POGLUT2: variants seen among roughly 807,000 people sequenced by gnomAD.
POGLUT2 encodes ER protein 58.
In POGLUT2, 47 loss-of-function variants were observed where a neutral mutation model predicts 57.6. The observed-to-expected ratio is 0.82, with a 90% CI of 0.65 to 1.04. POGLUT2 has a LOEUF of 1.04. POGLUT2 is among the 50% of genes least tolerant of loss of function. The pLI, the probability that POGLUT2 is intolerant of heterozygous loss-of-function variation, is 0.00. For synonymous variants in POGLUT2, 200 were observed against 218.8 expected (o/e 0.91, Z 0.76); for missense variants, 565 against 614.8 (o/e 0.92, Z 0.86).
At chr13:102,794,141 G>A (rs536633859) in intron 2 of POGLUT2, among the ~76,000 whole-genome samples, 111 of 152,192 alleles carry the variant, frequency 7.3e-4, no homozygotes, top group African/African-American at 2.3e-3. Flanking sequence ...GGAGGCTGAC[G>A]TGGGAGGATC....
At chr13:102,790,365 G>C (rs1878119771) in intron 6 of POGLUT2, among the ~76,000 whole-genome samples, 1 of 152,124 alleles carries the variant, frequency 6.6e-6, no homozygotes, top group Admixed American at 6.5e-5. Context: ...GAGCAGGGTG[G>C]TGCCCACTGC....
Position 102,789,114 on chromosome 13 carries a change from A to G in POGLUT2, c.1191T>C (p.His397=), listed in dbSNP as rs1878069428. ...VLKQDSIYYE[H]FYNELQPWKH... is the part of the protein sequence containing the mutation. ...TCCAGGGCTGCAGCTCATTGTAAAA[A>G]TGTTCATAGTAGATGGAATCCTGCT... Residue 397 remains histidine (H), a synonymous_variant, in exon 7 of 10, where the codon CAT becomes CAC. Transcript: ENST00000376004. 1 of 1,614,182 alleles carries G rather than the reference A, an allele frequency of 6.2e-7. No individual in the cohort carries two copies. The highest frequency in any genetic ancestry group is 8.5e-7 in the Non-Finnish European group (1 of 1,180,014).
Position 102,798,557 on chromosome 13 carries a change from C to A in POGLUT2, c.114G>T (p.Gly38=). ...CGGGAAGGACGACGTCTGCTTTTAG[C>A]CCGGGTCCCCATATTTCGCTCTTCT... The part of the protein sequence containing the change: ...SPEKSEIWGP[G]LKADVVLPAR... The change falls in exon 1 of 10, where the codon GGG becomes GGT. Residue 38 remains glycine (G), a synonymous_variant. Transcript: ENST00000376004. 1 of 1,613,230 alleles carries A rather than the reference C, an allele frequency of 6.2e-7. No homozygotes were observed. The highest frequency in any genetic ancestry group is 1.3e-5 in the African/African-American group (1 of 74,966).
At chr13:102,786,789 T>C (rs541271938) in intron 8 of POGLUT2, among the ~76,000 whole-genome samples, 8 of 152,226 alleles carry the variant, frequency 5.3e-5, no homozygotes, top group African/African-American at 1.9e-4. Flanking sequence ...CACTGCCCCA[T>C]GGATCCTTAG....
In POGLUT2 at chr13:102,791,133, C is replaced by G. The variant is rs529909726; in HGVS notation, c.851G>C (p.Ser284Thr). 3.1e-6 allele frequency: 5 copies of G among 1,613,928 alleles called. No homozygotes were observed. The highest frequency in any genetic ancestry group is 4.2e-6 in the Non-Finnish European group (5 of 1,179,798). The change falls in exon 6 of 10, where the codon AGT (serine) becomes ACT (threonine). Residue 284 changes from serine to threonine, a missense_variant. By Grantham distance (58) the Ser-to-Thr change is moderately conservative. Coordinates refer to ENST00000376004, the MANE Select transcript of POGLUT2 (RefSeq NM_024089.3). ...AGCTTGCACGGACATCATATCCAGA[C>G]TTACCCTAGAAGACAAAGTGCAACA... ...DSVLETMGRV[S>T]LDMMSVQANT...
At position 102,793,719 on chromosome 13, in the gene POGLUT2, T is replaced by G. The variant is rs1159609585; in HGVS notation, c.476A>C (p.Gln159Pro). 6.2e-7 allele frequency: 1 copy of G among 1,614,088 alleles called. No homozygotes were observed. The highest frequency in any genetic ancestry group is 1.7e-5 in the Admixed American group (1 of 60,020). The change falls in exon 3 of 10, where the codon CAG becomes CCG. Residue 159 changes from glutamine (Q) to proline (P), a missense_variant. Transcript: ENST00000376004. ...GAAATGTGCCAGATCTCTCTGAATC[T>G]GAGCAATGGTTTCAGGGCAGTTCAT... ...REMNCPETIA[Q>P]IQRDLAHFPA...
At chr13:102,796,689 A>T in intron 2 of POGLUT2, 115 bp downstream of exon 2, 1 of 133,322 alleles carries the variant, frequency 7.5e-6, no homozygotes, top group East Asian at 1.6e-4. Context: ...TCAGTAAAAA[A>T]AAAAAAAAAA....
At chr13:102,789,278 A>G (rs1878078544) in intron 6 of POGLUT2, 57 bp from the exon 7 acceptor site, 1 of 1,408,614 alleles carries the variant, frequency 7.1e-7, no homozygotes. Context: ...TCTCCACTCT[A>G]TTCTCCTTCC....
At chr13:102,787,634 T>C (rs1878000654) in intron 8 of POGLUT2, among the ~76,000 whole-genome samples, 200 bp downstream of exon 8, 1 of 152,256 alleles carries the variant, frequency 6.6e-6, no homozygotes, top group South Asian at 2.1e-4. Context: ...TCGCTTAATA[T>C]TGTAACATTT....
At chr13:102,792,570 C>T (rs1878221293) in intron 4 of POGLUT2, among the ~76,000 whole-genome samples, 1 of 152,176 alleles carries the variant, frequency 6.6e-6, no homozygotes, top group Non-Finnish European at 1.5e-5. Context: ...AGCATGAGGT[C>T]ATACTGGAGT....
At position 102,798,408 on chromosome 13, in the gene POGLUT2, G is replaced by A; in HGVS notation, c.182+81C>T. 4 of 1,345,956 alleles carry A rather than the reference G, an allele frequency of 3.0e-6. No individual in the cohort carries two copies. In the Admixed American group the frequency reaches 7.1e-5, roughly 24 times the overall value. The allele number at this position is 1,345,956 out of a possible 1,614,324, so 83.4% of individuals were successfully genotyped here. A position where few individuals can be genotyped will look rare whatever the true frequency, so the allele number is the denominator to read the frequency against. On this transcript the variant is annotated intron_variant, in intron 1 of 9. Transcript: ENST00000376004. ...AATATAAACTGCTGTGGAGAAACGA[G>A]TTCTTGGAAAGAAAAATCTTAAAGG...
chr13:102,792,170 G>C (rs1878206124), intron 4 of POGLUT2: 1 of 950,948 alleles, frequency 1.1e-6, no homozygotes, highest in Non-Finnish European at 1.3e-6. Flanking sequence ...TAAGTGCTTT[G>C]AAATCTTGAA....
chr13:102,798,764 C>A lies in POGLUT2; in HGVS notation c.-94G>T. The stretch of plus-strand genomic sequence containing the variant: ...GAGCCTTCGGCAGGGACCCGCCGGC[C>A]GATCGCAGCAGCCAACGCGACTGCA... On this transcript the variant is annotated 5_prime_UTR_variant, in exon 1 of 10. Transcript: ENST00000376004. 7.7e-7 allele frequency: 1 copy of A among 1,297,300 alleles called. No individual in the cohort carries two copies. The highest frequency in any genetic ancestry group is 1.0e-6 in the Non-Finnish European group (1 of 970,718). The allele number at this position is 1,297,300 out of a possible 1,614,324, so 80.4% of individuals were successfully genotyped here.
At position 102,789,134 on chromosome 13, in the gene POGLUT2, C is replaced by A. The variant is rs1878070538; in HGVS notation, c.1171G>T (p.Asp391Tyr). ...LVGDSVVLKQ[D>Y]SIYYEHFYNE... is the part of the protein sequence containing the mutation. ...TAAAAATGTTCATAGTAGATGGAATCCTGCTTCAGCACAACACTGTCACCA... is the reference window on the plus strand; with the variant it reads ...TAAAAATGTTCATAGTAGATGGAATACTGCTTCAGCACAACACTGTCACCA... Residue 391 changes from aspartate to tyrosine, a missense_variant, in exon 7 of 10, where the codon GAT becomes TAT. Physicochemically the swap from Asp to Tyr is radical, Grantham distance 160. Transcript: ENST00000376004. 1.2e-6 allele frequency: 2 copies of A among 1,614,148 alleles called. No individual in the cohort carries two copies. The highest frequency in any genetic ancestry group is 1.7e-6 in the Non-Finnish European group (2 of 1,179,992).
At chr13:102,794,932 T>C (rs990935308) in intron 2 of POGLUT2, among the ~76,000 whole-genome samples, 1 of 60,556 alleles carries the variant, frequency 1.7e-5, no homozygotes, top group East Asian at 7.5e-4. Context: ...ACTGCTATTC[T>C]TTTTTTTTTT....
At chr13:102,784,638 G>A in intron 9 of POGLUT2, 126 bp from the exon 10 acceptor site, 1 of 637,168 alleles carries the variant, frequency 1.6e-6, no homozygotes, top group Non-Finnish European at 2.9e-6. Flanking sequence ...AGGCTTTTAG[G>A]GCTTGGGACT....
chr13:102,787,911 CTA>C lies in POGLUT2; in HGVS notation c.1304_1305del (p.Ile435SerfsTer11). ...AKDHDEEAKK[I>X]AKAGQEFARN... ...CTTGCAAATTCTTGTCCTGCTTTTG[CTA>C]TCTTTTTGGCCTACAGGAAGAACAA... is the stretch of plus-strand genomic sequence containing the variant. On this transcript the variant is annotated frameshift_variant, in exon 8 of 10. Coordinates refer to ENST00000376004, the MANE Select transcript of POGLUT2 (RefSeq NM_024089.3). LOFTEE classifies it high-confidence loss of function. 1 of 1,591,810 alleles carries C rather than the reference CTA, an allele frequency of 6.3e-7. No individual in the cohort carries two copies. The highest frequency in any genetic ancestry group is 8.6e-7 in the Non-Finnish European group (1 of 1,165,042).
At chr13:102,792,996 A>G (rs779651262) in intron 4 of POGLUT2, among the ~76,000 whole-genome samples, 1 of 152,144 alleles carries the variant, frequency 6.6e-6, no homozygotes, top group Non-Finnish European at 1.5e-5. Flanking sequence ...GCCTGGTCTC[A>G]AGCTCCTGGG....
chr13:102,792,374 T>C (rs927041515), intron 4 of POGLUT2, among the ~76,000 whole-genome samples: 1 of 152,216 alleles, frequency 6.6e-6, no homozygotes, highest in African/African-American at 2.4e-5. Flanking sequence ...TCCCAAGGAA[T>C]GGGATTCAGT....
Sources: allele counts gnomAD v4.1 joint callset (sites outside exome capture counted in the v4.1 genomes callset), GRCh38; gene constraint gnomAD v4.1.1; transcripts MANE v1.5; gene names NCBI Gene and HGNC (gene_info 2026-07-23, HGNC 2026-07-21).